Variants in EFEMP2 observed in about 807,000 individuals in gnomAD.
EFEMP2 encodes the protein EGF-containing fibulin-like extracellular matrix protein 2.
A neutral mutation model predicts 55.3 loss-of-function variants in EFEMP2; 21 were observed. That is an observed-to-expected ratio of 0.38 (90% CI 0.27 to 0.55). The LOEUF (loss-of-function observed/expected upper bound fraction) is 0.55. EFEMP2 is among the 20% of genes least tolerant of loss of function. The probability of loss-of-function intolerance (pLI) is 0.77; values close to 1 mark genes in which losing one functional copy is unlikely to be tolerated. For missense variants in EFEMP2, 513 were observed against 615.1 expected, an observed-to-expected ratio of 0.83 and a Z score of 1.76; for synonymous variants, 275 against 242.3, an observed-to-expected ratio of 1.14 and a Z score of -1.25.
chr11:65,867,692 C>T (rs952198220), intron 10 of EFEMP2, 169 bp downstream of exon 10: 3 of 721,300 alleles, frequency 4.2e-6, no homozygotes, highest in African/African-American at 3.5e-5. Flanking sequence ...TGCATTTAAC[C>T]GTTAGAATTG....
In EFEMP2 at chr11:65,866,898, G is replaced by A. The variant is rs1395371325; in HGVS notation, c.*20C>T. ...TCCTCAGCTAGGGTAGCTGCAGGGA[G>A]GGTGGCTCCCTCCTGCTCCTCAGAA... is the stretch of plus-strand genomic sequence containing the variant. On this transcript the variant is annotated 3_prime_UTR_variant, in exon 11 of 11. Coordinates refer to ENST00000307998, the MANE Select transcript of EFEMP2 (RefSeq NM_016938.5). The A allele has an allele frequency of 6.8e-6, 11 of 1,613,902 alleles. No individual in the cohort carries two copies. The highest frequency in any genetic ancestry group is 9.3e-6 in the Non-Finnish European group (11 of 1,179,962).
chr11:65,871,943 G>C, intron 3 of EFEMP2, 27 bp downstream of exon 3: 2 of 1,551,404 alleles, frequency 1.3e-6, no homozygotes, highest in Non-Finnish European at 1.7e-6. Context: ...GGTTCCTGGG[G>C]GTGTTTGGTC....
At chr11:65,867,758 G>A (rs866563789) in intron 10 of EFEMP2, 103 bp downstream of exon 10, 1 of 1,303,070 alleles carries the variant, frequency 7.7e-7, no homozygotes, top group Middle Eastern at 2.0e-4. Flanking sequence ...GCGGGGCTTT[G>A]GGGGAGGGGT....
At position 65,869,317 on chromosome 11, in the gene EFEMP2, G is replaced by A. The variant is rs184398127; in HGVS notation, c.727+540C>T. On this transcript the variant is annotated intron_variant, in intron 7 of 10. Coordinates refer to ENST00000307998, the MANE Select transcript of EFEMP2 (RefSeq NM_016938.5). ...AATCCTCCCAACAAACGTGGAGGGAGATATGAATGTCCTCATTTTGTAGAG... is the reference window on the plus strand; with the variant it reads ...AATCCTCCCAACAAACGTGGAGGGAAATATGAATGTCCTCATTTTGTAGAG... 96 of 196,662 alleles carry A rather than the reference G, an allele frequency of 4.9e-4. 1 individual carries two copies. The South Asian group carries it at 7.6e-3, about 16-fold the overall frequency. The allele number at this position is 196,662 out of a possible 1,614,324, so 12.2% of individuals were successfully genotyped here.
chr11:65,866,459 G>C lies in EFEMP2; in HGVS notation c.*459C>G, dbSNP rs928155317. 4.3e-6 allele frequency: 3 copies of C among 700,944 alleles called. No homozygotes were observed. The allele number at this position is 700,944 out of a possible 1,614,324, so 43.4% of individuals were successfully genotyped here. A position where few individuals can be genotyped will look rare whatever the true frequency, so the allele number is the denominator to read the frequency against. On this transcript the variant is annotated 3_prime_UTR_variant, in exon 11 of 11. Coordinates refer to ENST00000307998, the MANE Select transcript of EFEMP2 (RefSeq NM_016938.5). ...AAACCACTAACAGTCCAGTTGCCTC[G>C]TTTTATAGAAAAACAGGCCCAGGGA...
At position 65,866,737 on chromosome 11, in the gene EFEMP2, A is replaced by T; in HGVS notation, c.*181T>A. 1.3e-6 allele frequency: 1 copy of T among 781,288 alleles called. No individual in the cohort carries two copies. The highest frequency in any genetic ancestry group is 2.2e-6 in the Non-Finnish European group (1 of 455,262). 48.4% of individuals were successfully genotyped at this position (781,288 alleles called of 1,614,324 possible). A position where few individuals can be genotyped will look rare whatever the true frequency, so the allele number is the denominator to read the frequency against. On this transcript the variant is annotated 3_prime_UTR_variant, in exon 11 of 11. Transcript: ENST00000307998. Reference sequence around the variant, plus strand: ...CCTGAACATATAGAGACCCCCATTTAGGTGAACTTGGCCTGCCCCCCCAAG... The same window carrying T: ...CCTGAACATATAGAGACCCCCATTTTGGTGAACTTGGCCTGCCCCCCCAAG...
In EFEMP2 at chr11:65,872,686, G is replaced by T; in HGVS notation, c.-11C>A. 2.9e-6 allele frequency: 1 copy of T among 346,844 alleles called. No homozygotes were observed. Among genetic ancestry groups the T allele is most frequent in the South Asian group, 2.0e-5 (1 of 48,822 alleles). The allele number at this position is 346,844 out of a possible 1,614,324, so 21.5% of individuals were successfully genotyped here. ...ACGGACGGTCACAGCCACTCACTTG[G>T]GCCCGCGACACCCCCGCGGCCCGCG... On this transcript the variant is annotated 5_prime_UTR_variant, in exon 1 of 11. Transcript: ENST00000307998.
rs779614307 is a variant in EFEMP2, at chr11:65,870,552, G to T, written c.474C>A (p.Ile158=). The change falls in exon 5 of 11, where the codon ATC becomes ATA. Residue 158 remains isoleucine (I), a synonymous_variant. Transcript: ENST00000307998. ...TGGACTCACCCACACACTCGGGCCC[G>T]ATCTTGCGGTAACCATCAGGGCAGG... The part of the protein sequence containing the change: ...QCTCPDGYRK[I]GPECVDIDEC... 2 of 1,613,942 alleles carry T rather than the reference G, an allele frequency of 1.2e-6. No individual in the cohort carries two copies. Among genetic ancestry groups the T allele is most frequent in the Admixed American group, 3.3e-5 (2 of 60,004 alleles).
intron 1 of EFEMP2, 21 bp downstream of exon 1, chr11:65,872,662 C>T (rs1316085260): frequency 6.3e-6 from 2 of 317,002 alleles, no homozygotes; most frequent in Non-Finnish European, 1.2e-5. Context: ...CCCTCCCCCA[C>T]GGACGGTCAC....
intron 7 of EFEMP2, chr11:65,868,868 G>A: frequency 1.9e-6 from 1 of 532,730 alleles, no homozygotes. Flanking sequence ...TAAGTTACTG[G>A]GAATCTAGAG....
intron 6 of EFEMP2, 47 bp from the exon 7 acceptor site, chr11:65,870,023 C>T (rs777718664): frequency 6.2e-7 from 1 of 1,613,200 alleles, no homozygotes; most frequent in Non-Finnish European, 8.5e-7. Context: ...GAGGAGGAGC[C>T]CAGAGCCTCC....
At chr11:65,872,106 T>C in intron 2 of EFEMP2, 88 bp from the exon 3 acceptor site, 1 of 1,527,180 alleles carries the variant, frequency 6.5e-7, no homozygotes, top group South Asian at 1.2e-5. Flanking sequence ...CTGGCCACCC[T>C]CCGGCCTGCT....
rs1430680092 is a variant in EFEMP2 at position 65,872,014 on chromosome 11, C to T, written c.116G>A (p.Cys39Tyr). The change falls in exon 3 of 11, where the codon TGC becomes TAC. Residue 39 changes from cysteine to tyrosine, a missense_variant. Physicochemically the swap from Cys to Tyr is radical, Grantham distance 194 (BLOSUM62 -2). Coordinates refer to ENST00000307998, the MANE Select transcript of EFEMP2 (RefSeq NM_016938.5). Reference sequence around the variant, plus strand: ...TGGGTCCCACTCATAGCCATCTGTGCATTCCTGGAAGGGAACCAGAAGTGG... The same window carrying T: ...TGGGTCCCACTCATAGCCATCTGTGTATTCCTGGAAGGGAACCAGAAGTGG... ...DSEEPDSYTE[C>Y]TDGYEWDPDS... is the part of the protein sequence containing the mutation. The T allele has an allele frequency of 6.4e-7, 1 of 1,551,698 alleles. No individual in the cohort carries two copies. The highest frequency in any genetic ancestry group is 8.7e-7 in the Non-Finnish European group (1 of 1,146,992).
intron 1 of EFEMP2, 126 bp from the exon 2 acceptor site, chr11:65,872,487 G>T: frequency 1.5e-6 from 1 of 657,548 alleles, no homozygotes; most frequent in Non-Finnish European, 2.6e-6. Context: ...GGGCCTCCCA[G>T]GGCTGGGGGC....
At chr11:65,870,857 C>T (rs1195409873) in intron 4 of EFEMP2, 199 bp from the exon 5 acceptor site, 6 of 772,874 alleles carry the variant, frequency 7.8e-6, no homozygotes, top group African/African-American at 1.7e-5. Flanking sequence ...CCAAACATCC[C>T]CAGCAACACT....
chr11:65,867,661 G>A, intron 10 of EFEMP2, 200 bp downstream of exon 10: 2 of 646,126 alleles, frequency 3.1e-6, no homozygotes, highest in South Asian at 3.5e-5. Context: ...AAACTCCCGT[G>A]TCCGAGTGCT....
Position 65,869,911 on chromosome 11 carries a change from G to C in EFEMP2, c.673C>G (p.Leu225Val). Residue 225 changes from leucine (L) to valine (V), a missense_variant, in exon 7 of 11, where the codon CTG (leucine) becomes GTG (valine). Transcript: ENST00000307998. ...TCATAGCCCTGGTGGCAGCGACACA[G>C]GAAGGTCCCATAGGAGTTGAAGCAG... ...QRCFNSYGTF[L>V]CRCHQGYELH... 1 of 1,614,096 alleles carries C rather than the reference G, an allele frequency of 6.2e-7. No homozygotes were observed. The highest frequency in any genetic ancestry group is 8.5e-7 in the Non-Finnish European group (1 of 1,180,032).
rs1176876516 is a variant in EFEMP2, at chr11:65,868,317, G to T, written c.952C>A (p.Pro318Thr). 6.2e-7 allele frequency: 1 copy of T among 1,613,774 alleles called. No homozygotes were observed. The highest frequency in any genetic ancestry group is 2.2e-5 in the East Asian group (1 of 44,882). ...CACTTCTCAGAGACCTGGATGTAGGGCTCCACGCAGCGGTTGGTGTCCACG... is the reference window on the plus strand; with the variant it reads ...CACTTCTCAGAGACCTGGATGTAGGTCTCCACGCAGCGGTTGGTGTCCACG... ...RCVDTNRCVE[P>T]YIQVSENRCL... is the part of the protein sequence containing the mutation. The change falls in exon 9 of 11, where the codon CCC becomes ACC. Residue 318 changes from proline (P) to threonine (T), a missense_variant. Pro to Thr is a conservative substitution (Grantham distance 38). Coordinates refer to ENST00000307998, the MANE Select transcript of EFEMP2 (RefSeq NM_016938.5).
chr11:65,868,748 G>A (rs1859911416), intron 7 of EFEMP2, 119 bp from the exon 8 acceptor site: 10 of 1,403,470 alleles, frequency 7.1e-6, no homozygotes, highest in South Asian at 2.4e-5. Context: ...GACAGAGGGG[G>A]ATGAGACAAG....
Sources: allele counts gnomAD v4.1 joint callset, GRCh38; gene constraint gnomAD v4.1.1; transcripts MANE v1.5; gene names NCBI Gene and HGNC (gene_info 2026-07-23, HGNC 2026-07-21).